ANAPC7: variants seen among roughly 807,000 people sequenced by gnomAD.
The protein encoded by ANAPC7 is anaphase-promoting complex subunit 7.
A neutral mutation model predicts 63.3 loss-of-function variants in ANAPC7; 25 were observed. The observed-to-expected ratio is 0.39, with a 90% confidence interval of 0.29 to 0.55. ANAPC7 has a LOEUF of 0.55. ANAPC7 is among the 20% of genes least tolerant of loss of function. ANAPC7 has a pLI of 0.57. For missense variants in ANAPC7, 516 were observed against 691.7 expected (o/e 0.75, Z 2.85); for synonymous variants, 241 against 251.7 (o/e 0.96, Z 0.40).
intron 5 of ANAPC7, chr12:110,387,310 A>AGG (rs71083120): frequency 5.3e-5 from 6 of 112,718 alleles, no homozygotes; most frequent in Non-Finnish European, 1.1e-4. Context: ...AGAGAGAGAG[A>AGG]CAGAGAGACA....
intron 8 of ANAPC7, among the ~76,000 whole-genome samples, chr12:110,379,785 T>C (rs1473358774): frequency 6.6e-6 from 1 of 152,236 alleles, no homozygotes; most frequent in African/African-American, 2.4e-5. Flanking sequence ...TATAAAAATA[T>C]GTTTTGGAGG....
chr12:110,379,088 C>G (rs1263526610), intron 8 of ANAPC7: 32 of 152,104 alleles, frequency 2.1e-4, no homozygotes, highest in Admixed American at 2.1e-3. Flanking sequence ...TCTCGAACTC[C>G]TGACGTCAGG....
chr12:110,385,184 T>C (rs543324061), intron 6 of ANAPC7, among the ~76,000 whole-genome samples: 59 of 152,326 alleles, frequency 3.9e-4, no homozygotes, highest in African/African-American at 1.4e-3. Flanking sequence ...GGAGAGTCAC[T>C]TTAACCAGGA....
intron 10 of ANAPC7, among the ~76,000 whole-genome samples, chr12:110,374,619 C>CG (rs2137911172): frequency 6.6e-6 from 1 of 152,106 alleles, no homozygotes; most frequent in East Asian, 1.9e-4. Flanking sequence ...CTGCTAGAGG[C>CG]GGCTACCAGA....
intron 10 of ANAPC7, chr12:110,375,789 T>G (rs1169593234): frequency 3.6e-6 from 4 of 1,096,010 alleles, no homozygotes; most frequent in Non-Finnish European, 4.4e-6. Context: ...TATGTGTGTG[T>G]GGGCAAGGAC....
chr12:110,387,426 A>AGG (rs1882703760), intron 5 of ANAPC7: 1 of 146,144 alleles, frequency 6.8e-6, no homozygotes, highest in Non-Finnish European at 1.3e-5. Flanking sequence ...AGAGAGAGAG[A>AGG]GAGAGACCGA....
At chr12:110,387,303 G>GAGAGAGAC (rs1882623166) in intron 5 of ANAPC7, 3 of 135,444 alleles carry the variant, frequency 2.2e-5, no homozygotes, top group East Asian at 4.3e-4. Context: ...GAGAGAGAGA[G>GAGAGAGAC]AGAGAGACAG....
chr12:110,386,054 T>G (rs1015507528), intron 6 of ANAPC7, among the ~76,000 whole-genome samples: 8 of 152,030 alleles, frequency 5.3e-5, no homozygotes, highest in African/African-American at 1.4e-4. Context: ...TTATAAGTCA[T>G]AAGGAGGAGC....
intron 3 of ANAPC7, among the ~76,000 whole-genome samples, chr12:110,389,081 TAAAAAAAA>T (rs778746037): frequency 3.1e-5 from 3 of 98,318 alleles, no homozygotes; most frequent in African/African-American, 1.3e-4. Flanking sequence ...GACTCCATCT[TAAAAAAAA>T]AAAAAAAAAA....
Position 110,403,404 on chromosome 12 carries a change from C to T in ANAPC7, c.101+123G>A, listed in dbSNP as rs2062262150. ...TCCGCTCCAGGACGCCCTCGCAGAC[C>T]CCGGAGCCTCCGCTGGCGCCGGCGG... On this transcript the variant is annotated intron_variant, in intron 1 of 10. Coordinates refer to ENST00000455511, the MANE Select transcript of ANAPC7 (RefSeq NM_016238.3). 6 of 1,115,328 alleles carry T rather than the reference C, an allele frequency of 5.4e-6. No individual in the cohort carries two copies. The East Asian group carries it at 7.8e-5, about 14-fold the overall frequency. 69.1% of individuals were successfully genotyped at this position (1,115,328 alleles called of 1,614,324 possible).
chr12:110,400,216 T>C (rs1449095291), intron 1 of ANAPC7, among the ~76,000 whole-genome samples: 1 of 152,218 alleles, frequency 6.6e-6, no homozygotes, highest in African/African-American at 2.4e-5. Context: ...AAAAGTATTA[T>C]TACATCCACA....
At chr12:110,382,451 A>ATAT (rs1470435018) in intron 7 of ANAPC7, among the ~76,000 whole-genome samples, 17 of 69,572 alleles carry the variant, frequency 2.4e-4, no homozygotes, top group African/African-American at 3.9e-4. Flanking sequence ...TAAAAAAAAA[A>ATAT]AAAAAAAAAA....
In ANAPC7 at chr12:110,387,923, T is replaced by A. The variant is rs201808610; in HGVS notation, c.521-31A>T. On this transcript the variant is annotated intron_variant, in intron 4 of 10. Coordinates refer to ENST00000455511, the MANE Select transcript of ANAPC7 (RefSeq NM_016238.3). ...CCAACAGAAAGCAGAAGAAAGAAAG[T>A]AAGGCACGATATCTCTCTTCCACAT... 2.5e-6 allele frequency: 4 copies of A among 1,608,026 alleles called. No homozygotes were observed. In the African/African-American group the frequency reaches 4.0e-5, roughly 16 times the overall value.
chr12:110,402,503 T>C (rs2062246228), intron 1 of ANAPC7, among the ~76,000 whole-genome samples: 1 of 147,150 alleles, frequency 6.8e-6, no homozygotes, highest in African/African-American at 2.5e-5. Flanking sequence ...CTAAATTTTT[T>C]TGGTATTTTT....
At chr12:110,394,288 T>C (rs1883365412) in intron 3 of ANAPC7, among the ~76,000 whole-genome samples, 1 of 151,856 alleles carries the variant, frequency 6.6e-6, no homozygotes, top group African/African-American at 2.4e-5. Flanking sequence ...CCCAGGAGTT[T>C]GAGACCAACC....
At chr12:110,380,501 A>C (rs1184291043) in intron 8 of ANAPC7, among the ~76,000 whole-genome samples, 1 of 151,614 alleles carries the variant, frequency 6.6e-6, no homozygotes, top group Non-Finnish European at 1.5e-5. Context: ...AAATACAAAA[A>C]TTAGCTGGGT....
Position 110,395,114 on chromosome 12 carries a change from T to G in ANAPC7, c.395A>C (p.Gln132Pro), listed in dbSNP as rs1566276019. 1 of 1,612,758 alleles carries G rather than the reference T, an allele frequency of 6.2e-7. No individual in the cohort carries two copies. The highest frequency in any genetic ancestry group is 8.5e-7 in the Non-Finnish European group (1 of 1,179,450). ...IAILDGIPSR[Q>P]RTPKINMMLA... ...CATTCAACTTACTTTGGGAGTTCTTTGTCTTGAAGGGATCCCATCAAGTAT... is the reference window on the plus strand; with the variant it reads ...CATTCAACTTACTTTGGGAGTTCTTGGTCTTGAAGGGATCCCATCAAGTAT... The change falls in exon 3 of 11, where the codon CAA becomes CCA. Residue 132 changes from glutamine to proline, a missense_variant. By Grantham distance (76) the Gln-to-Pro change is moderately conservative. Around this residue, in one of 4 missense-constraint regions of ANAPC7, gnomAD observed 185 missense variants for 200.3 expected, o/e 0.92. Coordinates refer to ENST00000455511, the MANE Select transcript of ANAPC7 (RefSeq NM_016238.3).
At chr12:110,397,283 G>A (rs772607400) in intron 1 of ANAPC7, among the ~76,000 whole-genome samples, 7 of 151,912 alleles carry the variant, frequency 4.6e-5, no homozygotes, top group Non-Finnish European at 8.8e-5. Context: ...GGCCAGGCGC[G>A]GTGGCTCACG....
intron 9 of ANAPC7, among the ~76,000 whole-genome samples, chr12:110,376,582 A>AAAAAAAAAG (rs1297665697): frequency 6.6e-6 from 1 of 151,068 alleles, no homozygotes; most frequent in African/African-American, 2.4e-5. Flanking sequence ...AAAAAAAAAA[A>AAAAAAAAAG]AAAAGAAATT....
Sources: allele counts gnomAD v4.1 joint callset (sites outside exome capture counted in the v4.1 genomes callset), GRCh38; gene constraint gnomAD v4.1.1; regional missense constraint gnomAD v4.1.1; transcripts MANE v1.5; gene names NCBI Gene and HGNC (gene_info 2026-07-23, HGNC 2026-07-21).